The following CNOT4 variants were observed in gnomAD, a reference collection of about 807,000 sequenced individuals.
The protein encoded by CNOT4 is CCR4-NOT transcription complex subunit 4, also known as CCR4-associated factor 4.
Under a neutral mutation model 73.8 loss-of-function variants are expected in CNOT4, and 8 were observed. The observed-to-expected ratio is 0.11, with a 90% CI of 0.06 to 0.20. The LOEUF is 0.20. CNOT4 is among the 10% of genes least tolerant of loss of function. CNOT4 has a pLI of 1.00. For synonymous variants in CNOT4, 293 were observed against 321.1 expected (o/e 0.91, Z 0.94); for missense variants, 564 against 883.4 (o/e 0.64, Z 4.58).
At chr7:135,424,574 C>G (rs1040503924) in intron 2 of CNOT4, among the ~76,000 whole-genome samples, 1 of 151,942 alleles carries the variant, frequency 6.6e-6, no homozygotes, top group South Asian at 2.1e-4. Context: ...CACTCGAGGT[C>G]AGGAGTTCAA....
At chr7:135,507,711 A>C (rs187868967) in intron 1 of CNOT4, among the ~76,000 whole-genome samples, 1 of 152,226 alleles carries the variant, frequency 6.6e-6, no homozygotes, top group Non-Finnish European at 1.5e-5. Flanking sequence ...TATGACTGCC[A>C]AGAGTTTCTA....
chr7:135,464,290 T>C (rs1215117901), intron 1 of CNOT4, among the ~76,000 whole-genome samples: 3 of 152,076 alleles, frequency 2.0e-5, no homozygotes, highest in African/African-American at 7.2e-5. Context: ...TCAACCTAAA[T>C]GCCCATCAAT....
intron 2 of CNOT4, among the ~76,000 whole-genome samples, chr7:135,425,581 C>T (rs1226424282): frequency 1.3e-5 from 2 of 152,054 alleles, no homozygotes; most frequent in Admixed American, 1.3e-4. Context: ...CTACATAATA[C>T]AAAAGATACA....
intron 1 of CNOT4, among the ~76,000 whole-genome samples, chr7:135,450,393 A>C (rs1343797420): frequency 6.6e-6 from 1 of 152,004 alleles, no homozygotes; most frequent in Non-Finnish European, 1.5e-5. Context: ...ATCTCGGCTC[A>C]CTGCAACCTT....
At chr7:135,384,133 C>T (rs1795989279) in intron 10 of CNOT4, among the ~76,000 whole-genome samples, 1 of 152,016 alleles carries the variant, frequency 6.6e-6, no homozygotes, top group Non-Finnish European at 1.5e-5. Context: ...CTTTAAAAGG[C>T]TCCCAATTCC....
chr7:135,382,331 T>C (rs780652530), intron 10 of CNOT4, among the ~76,000 whole-genome samples: 45 of 152,162 alleles, frequency 3.0e-4, no homozygotes, highest in Non-Finnish European at 5.3e-4. Flanking sequence ...CAATGTTAGG[T>C]GGCTCGATTA....
intron 1 of CNOT4, among the ~76,000 whole-genome samples, chr7:135,453,318 T>C (rs1585667130): frequency 6.6e-6 from 1 of 152,268 alleles, no homozygotes; most frequent in South Asian, 2.1e-4. Flanking sequence ...TTAGCCTGGT[T>C]AAATGCAACC....
intron 1 of CNOT4, among the ~76,000 whole-genome samples, 198 bp from the exon 2 acceptor site, chr7:135,438,621 C>A (rs1444580212): frequency 6.6e-6 from 1 of 152,050 alleles, no homozygotes; most frequent in Non-Finnish European, 1.5e-5. Flanking sequence ...ATTTTGGATT[C>A]AACATAAATA....
chr7:135,508,010 G>A (rs1041408657), intron 1 of CNOT4, among the ~76,000 whole-genome samples: 22 of 152,236 alleles, frequency 1.4e-4, no homozygotes, highest in Admixed American at 5.2e-4. Flanking sequence ...TTTACATTTG[G>A]TAAAACAGAC....
chr7:135,422,016 T>A, intron 3 of CNOT4, 140 bp downstream of exon 3: 2 of 599,612 alleles, frequency 3.3e-6, no homozygotes, highest in Non-Finnish European at 5.9e-6. Context: ...TAGCAATTAT[T>A]CAAAAGTAAT....
intron 10 of CNOT4, among the ~76,000 whole-genome samples, chr7:135,371,726 A>T (rs950933423): frequency 6.6e-6 from 1 of 152,206 alleles, no homozygotes; most frequent in African/African-American, 2.4e-5. Flanking sequence ...AAGAAAAAAT[A>T]AAAAATACTC....
intron 2 of CNOT4, among the ~76,000 whole-genome samples, chr7:135,432,111 CAAT>C (rs144816921): frequency 0.079 from 12,002 of 151,962 alleles, 646 homozygotes; most frequent in Non-Finnish European, 0.12. Context: ...TCAAAACTTA[CAAT>C]AATAAAGACA....
chr7:135,470,911 T>G (rs779134725), intron 1 of CNOT4, among the ~76,000 whole-genome samples: 1 of 152,202 alleles, frequency 6.6e-6, no homozygotes, highest in Non-Finnish European at 1.5e-5. Flanking sequence ...GTTACACAGG[T>G]GCATGCATTT....
intron 7 of CNOT4, among the ~76,000 whole-genome samples, chr7:135,409,255 G>A (rs1367884765): frequency 2.6e-5 from 4 of 152,080 alleles, no homozygotes; most frequent in Non-Finnish European, 5.9e-5. Flanking sequence ...TAACCATACA[G>A]GGCTAGAAAA....
chr7:135,414,369 A>T lies in CNOT4; in HGVS notation c.523T>A (p.Cys175Ser). The T allele has an allele frequency of 6.5e-7, 1 of 1,536,312 alleles. No homozygotes were observed. The highest frequency in any genetic ancestry group is 9.0e-7 in the Non-Finnish European group (1 of 1,112,172). The change falls in exon 5 of 12, where the codon TGT becomes AGT. Residue 175 changes from cysteine to serine, a missense_variant. Physicochemically the swap from Cys to Ser is moderately radical, Grantham distance 112 (BLOSUM62 -1). Transcript: ENST00000541284. Reference protein sequence around the residue: ...RSEDALRAIQCVNNVVVDGRT... With the variant: ...RSEDALRAIQSVNNVVVDGRT... ...CCATCTACTACCACATTGTTGACAC[A>T]CTGTATGGCTCTGAGAGCGTCTTCT... is the stretch of plus-strand genomic sequence containing the variant.
intron 7 of CNOT4, among the ~76,000 whole-genome samples, chr7:135,406,742 T>C (rs1797309800): frequency 6.6e-6 from 1 of 152,148 alleles, no homozygotes; most frequent in African/African-American, 2.4e-5. Context: ...TGTTTTATAT[T>C]TCCTCTTTTC....
At chr7:135,471,899 G>A (rs917512874) in intron 1 of CNOT4, among the ~76,000 whole-genome samples, 9 of 152,296 alleles carry the variant, frequency 5.9e-5, no homozygotes, top group South Asian at 2.1e-4. Flanking sequence ...TTGGCCAGGC[G>A]CGGTGGCTCA....
At chr7:135,388,963 T>TCCAAATATTGAAA in intron 10 of CNOT4, 1 of 1,485,708 alleles carries the variant, frequency 6.7e-7, no homozygotes, top group Non-Finnish European at 9.2e-7. Flanking sequence ...TAAAAATGAT[T>TCCAAATATTGAAA]TCAATATTTG....
chr7:135,389,948 A>AAC (rs1796316355), intron 10 of CNOT4, among the ~76,000 whole-genome samples: 1 of 152,192 alleles, frequency 6.6e-6, no homozygotes, highest in African/African-American at 2.4e-5. Context: ...AAACCCCAAG[A>AAC]ACATAGCAAT....
Sources: gnomAD v4.1 joint callset for allele counts (sites outside exome capture counted in the v4.1 genomes callset) on GRCh38, gnomAD v4.1.1 for gene constraint, MANE v1.5 for transcripts, NCBI Gene and HGNC (gene_info 2026-07-23, HGNC 2026-07-21) for gene names.